NDUFAF8: variants seen among roughly 807,000 people sequenced by gnomAD.
The protein encoded by NDUFAF8 is NADH:ubiquinone oxidoreductase complex assembly factor 8, also known as NADH dehydrogenase [ubiquinone] 1 alpha subcomplex assembly factor 8.
Under a neutral mutation model 9.9 loss-of-function variants are expected in NDUFAF8, and 9 were observed. The observed-to-expected ratio is 0.91, with a 90% confidence interval of 0.55 to 1.59. The LOEUF (loss-of-function observed/expected upper bound fraction) is 1.59. Among genes scored for constraint, NDUFAF8 ranks in the 40% most tolerant of loss-of-function variants. NDUFAF8 has a pLI of 0.00. For missense variants in NDUFAF8, 114 were observed against 113.8 expected (o/e 1.00, Z -0.01); for synonymous variants, 63 against 51.2 (o/e 1.23, Z -0.98).
In NDUFAF8 at chr17:81,239,350, G is replaced by T; in HGVS notation, c.-14G>T. Reference sequence around the variant, plus strand: ...CTAAGATGGCGGCCTCCAGGGGGCTGGGAATAGCCGCTCATGTCGGCTAAC... The same window carrying T: ...CTAAGATGGCGGCCTCCAGGGGGCTTGGAATAGCCGCTCATGTCGGCTAAC... On this transcript the variant is annotated 5_prime_UTR_variant, in exon 1 of 3. Transcript: ENST00000431388. The T allele has an allele frequency of 7.3e-7, 1 of 1,366,522 alleles. No individual in the cohort carries two copies. Among genetic ancestry groups the T allele is most frequent in the Non-Finnish European group, 9.4e-7 (1 of 1,059,208 alleles). 84.6% of individuals were successfully genotyped at this position (1,366,522 alleles called of 1,614,324 possible).
Position 81,239,694 on chromosome 17 carries a change from C to A in NDUFAF8, c.195+16C>A. ...CGCCGCTGCGGTAGGTGGGCGCGGG[C>A]CCCTTCCCCCCTTCCCAGCCCTTCC... On this transcript the variant is annotated intron_variant, in intron 2 of 2. Coordinates refer to ENST00000431388, the MANE Select transcript of NDUFAF8 (RefSeq NM_001086521.2). 1 of 1,529,476 alleles carries A rather than the reference C, an allele frequency of 6.5e-7. No individual in the cohort carries two copies. Among genetic ancestry groups the A allele is most frequent in the South Asian group, 1.2e-5 (1 of 83,824 alleles). The allele number at this position is 1,529,476 out of a possible 1,614,324, so 94.7% of individuals were successfully genotyped here.
Position 81,239,653 on chromosome 17 carries a change from C to G in NDUFAF8, c.170C>G (p.Ala57Gly). Residue 57 changes from alanine (A) to glycine (G), a missense_variant, in exon 2 of 3, where the codon GCC becomes GGC. Ala to Gly is a moderately conservative substitution (Grantham distance 60). Coordinates refer to ENST00000431388, the MANE Select transcript of NDUFAF8 (RefSeq NM_001086521.2). Reference sequence around the variant, plus strand: ...GACTTCTGCGCGCGGGAGTTCGAGGCCCTGCGGAGCTGCTTCGCCGCTGCG... The same window carrying G: ...GACTTCTGCGCGCGGGAGTTCGAGGGCCTGCGGAGCTGCTTCGCCGCTGCG... The part of the protein sequence containing the change: ...SKDFCAREFE[A>G]LRSCFAAAAK... The G allele has an allele frequency of 6.5e-7, 1 of 1,540,094 alleles. No homozygotes were observed. Among genetic ancestry groups the G allele is most frequent in the South Asian group, 1.2e-5 (1 of 83,996 alleles).
At chr17:81,239,954 G>A in intron 2 of NDUFAF8, 1 of 521,942 alleles carries the variant, frequency 1.9e-6, no homozygotes, top group South Asian at 2.1e-5. Flanking sequence ...GTAAGCTTTC[G>A]TGTTAGCACT....
At position 81,239,575 on chromosome 17, in the gene NDUFAF8, C is replaced by T; in HGVS notation, c.92C>T (p.Ala31Val). The T allele has an allele frequency of 6.5e-7, 1 of 1,533,744 alleles. No homozygotes were observed. The highest frequency in any genetic ancestry group is 8.7e-7 in the Non-Finnish European group (1 of 1,144,026). The change falls in exon 2 of 3, where the codon GCG (alanine) becomes GTG (valine). Residue 31 changes from alanine to valine, a missense_variant. Coordinates refer to ENST00000431388, the MANE Select transcript of NDUFAF8 (RefSeq NM_001086521.2). ...CGCCCGTCCTTTCCGCAGGCCGCGG[C>T]GTACGGCAGGTGCGTGCAGGCCTCC... ...RLAACGAEAA[A>V]YGRCVQASTA...
In NDUFAF8 at chr17:81,241,040, G is replaced by C; in HGVS notation, c.*24G>C. ...AGGAGGGACTCTGAGCTTCACACCTGTCTGCTGCCATGGGTGCAGAGCCCT... is the reference window on the plus strand; with the variant it reads ...AGGAGGGACTCTGAGCTTCACACCTCTCTGCTGCCATGGGTGCAGAGCCCT... On this transcript the variant is annotated 3_prime_UTR_variant, in exon 3 of 3. Coordinates refer to ENST00000431388, the MANE Select transcript of NDUFAF8 (RefSeq NM_001086521.2). The C allele has an allele frequency of 6.2e-7, 1 of 1,612,288 alleles. No individual in the cohort carries two copies. Among genetic ancestry groups the C allele is most frequent in the Non-Finnish European group, 8.5e-7 (1 of 1,179,252 alleles).
rs1418620912 is a variant in NDUFAF8 at position 81,241,268 on chromosome 17, G to T, written c.*252G>T. The T allele has an allele frequency of 2.6e-6, 3 of 1,144,454 alleles. No individual in the cohort carries two copies. The highest frequency in any genetic ancestry group is 6.8e-5 in the Admixed American group (2 of 29,576). 70.9% of individuals were successfully genotyped at this position (1,144,454 alleles called of 1,614,324 possible). A position where few individuals can be genotyped will look rare whatever the true frequency, so the allele number is the denominator to read the frequency against. On this transcript the variant is annotated 3_prime_UTR_variant, in exon 3 of 3. Coordinates refer to ENST00000431388, the MANE Select transcript of NDUFAF8 (RefSeq NM_001086521.2). ...GTAACGGAAGCCACGATAAAGACTCGGTCAAATCCTGCAGCCTGGGGCTTA... is the reference window on the plus strand; with the variant it reads ...GTAACGGAAGCCACGATAAAGACTCTGTCAAATCCTGCAGCCTGGGGCTTA...
chr17:81,239,815 C>A, intron 2 of NDUFAF8, 137 bp downstream of exon 2: 1 of 975,258 alleles, frequency 1.0e-6, no homozygotes, highest in Non-Finnish European at 1.5e-6. Context: ...CTGACAAAAT[C>A]ACCGAGCCAT....
Position 81,241,176 on chromosome 17 carries a change from T to C in NDUFAF8, c.*160T>C, listed in dbSNP as rs1015914483. On this transcript the variant is annotated 3_prime_UTR_variant, in exon 3 of 3. Transcript: ENST00000431388. ...TAGATCCTGTTTTTTCTTAACAAGT[T>C]GAGGCGTGGGTAGAGCAGGAATTGG... 6 of 1,406,360 alleles carry C rather than the reference T, an allele frequency of 4.3e-6. No homozygotes were observed. In the African/African-American group the frequency reaches 7.2e-5, roughly 17 times the overall value. 87.1% of individuals were successfully genotyped at this position (1,406,360 alleles called of 1,614,324 possible).
At chr17:81,240,625 C>T (rs1281887509) in intron 2 of NDUFAF8, among the ~76,000 whole-genome samples, 2 of 150,202 alleles carry the variant, frequency 1.3e-5, no homozygotes. Flanking sequence ...GCCGAGATCA[C>T]GCTGCTGTAC....
intron 2 of NDUFAF8, 154 bp downstream of exon 2, chr17:81,239,832 G>T: frequency 1.2e-6 from 1 of 858,192 alleles, no homozygotes; most frequent in Non-Finnish European, 1.8e-6. Context: ...CCATCGACGA[G>T]CCCGCGAAAC....
chr17:81,239,944 G>A (rs1017053971), intron 2 of NDUFAF8: 2 of 542,082 alleles, frequency 3.7e-6, no homozygotes, highest in Non-Finnish European at 3.3e-6. Flanking sequence ...TGTAAAACGC[G>A]TAAGCTTTCG....
intron 2 of NDUFAF8, chr17:81,240,363 G>A (rs1320498638): frequency 1.9e-5 from 3 of 154,732 alleles, no homozygotes; most frequent in Non-Finnish European, 4.3e-5. Context: ...TCCAGGGGTG[G>A]ACAACTCATC....
At position 81,241,054 on chromosome 17, in the gene NDUFAF8, G is replaced by A; in HGVS notation, c.*38G>A. On this transcript the variant is annotated 3_prime_UTR_variant, in exon 3 of 3. Transcript: ENST00000431388. ...GCTTCACACCTGTCTGCTGCCATGG[G>A]TGCAGAGCCCTAGTCCTGATGGCCC... is the stretch of plus-strand genomic sequence containing the variant. 1 of 1,609,614 alleles carries A rather than the reference G, an allele frequency of 6.2e-7. No homozygotes were observed.
chr17:81,239,641 G>A lies in NDUFAF8; in HGVS notation c.158G>A (p.Arg53Gln), dbSNP rs1397309820. ...CGCCTGAGTAAGGACTTCTGCGCGC[G>A]GGAGTTCGAGGCCCTGCGGAGCTGC... Reference protein sequence around the residue: ...GGRLSKDFCAREFEALRSCFA... With the variant: ...GGRLSKDFCAQEFEALRSCFA... Residue 53 changes from arginine to glutamine, a missense_variant, in exon 2 of 3, where the codon CGG (arginine) becomes CAG (glutamine). By Grantham distance (43) the Arg-to-Gln change is conservative. Coordinates refer to ENST00000431388, the MANE Select transcript of NDUFAF8 (RefSeq NM_001086521.2). 6.5e-7 allele frequency: 1 copy of A among 1,540,414 alleles called. No individual in the cohort carries two copies. The highest frequency in any genetic ancestry group is 8.7e-7 in the Non-Finnish European group (1 of 1,146,552).
chr17:81,240,796 C>G (rs1256777376), intron 2 of NDUFAF8, among the ~76,000 whole-genome samples, 191 bp from the exon 3 acceptor site: 4 of 152,114 alleles, frequency 2.6e-5, no homozygotes, highest in Non-Finnish European at 5.9e-5. Context: ...AGGCCCTTGT[C>G]CCGTGGACAA....
chr17:81,239,625 A>G lies in NDUFAF8; in HGVS notation c.142A>G (p.Lys48Glu), dbSNP rs979218719. 1.4e-5 allele frequency: 21 copies of G among 1,540,220 alleles called. No individual in the cohort carries two copies. The highest frequency in any genetic ancestry group is 1.8e-5 in the Non-Finnish European group (21 of 1,146,508). ...ASTAPGGRLSKDFCAREFEAL... is the reference protein window; with the variant it reads ...ASTAPGGRLSEDFCAREFEAL... ...CACGGCCCCGGGCGGCCGCCTGAGT[A>G]AGGACTTCTGCGCGCGGGAGTTCGA... The change falls in exon 2 of 3, where the codon AAG (lysine) becomes GAG (glutamate). Residue 48 changes from lysine to glutamate, a missense_variant. By Grantham distance (56) the Lys-to-Glu change is moderately conservative. Coordinates refer to ENST00000431388, the MANE Select transcript of NDUFAF8 (RefSeq NM_001086521.2).
rs1273191333 is a variant in NDUFAF8, at chr17:81,241,048, C to T, written c.*32C>T. ...CTCTGAGCTTCACACCTGTCTGCTG[C>T]CATGGGTGCAGAGCCCTAGTCCTGA... On this transcript the variant is annotated 3_prime_UTR_variant, in exon 3 of 3. Transcript: ENST00000431388. 1.2e-6 allele frequency: 2 copies of T among 1,611,280 alleles called. No homozygotes were observed. Among genetic ancestry groups the T allele is most frequent in the Non-Finnish European group, 1.7e-6 (2 of 1,178,790 alleles).
At chr17:81,239,868 C>T (rs1388332281) in intron 2 of NDUFAF8, 190 bp downstream of exon 2, 41 of 662,590 alleles carry the variant, frequency 6.2e-5, no homozygotes, top group Non-Finnish European at 8.3e-5. Context: ...CTTGTCCCTG[C>T]ATGTTTGTAA....
At chr17:81,239,470 G>C (rs1352840923) in intron 1 of NDUFAF8, 23 bp downstream of exon 1, 1 of 1,401,736 alleles carries the variant, frequency 7.1e-7, no homozygotes, top group East Asian at 3.0e-5. Context: ...GGGCGGGCCA[G>C]TGCTGCGGGG....
Sources: allele counts gnomAD v4.1 joint callset (sites outside exome capture counted in the v4.1 genomes callset), GRCh38; gene constraint gnomAD v4.1.1; transcripts MANE v1.5; gene names NCBI Gene and HGNC (gene_info 2026-07-23, HGNC 2026-07-21).